The following UMOD variants were observed in gnomAD, a reference collection of about 807,000 sequenced individuals.
The protein encoded by UMOD is Tamm-Horsfall urinary glycoprotein.
Under a neutral mutation model 66.0 loss-of-function variants are expected in UMOD, and 64 were observed. The observed-to-expected ratio is 0.97, with a 90% confidence interval of 0.79 to 1.19. The LOEUF (loss-of-function observed/expected upper bound fraction) is 1.19. UMOD is among the 50% of genes most tolerant of loss of function. The pLI, the probability that UMOD is intolerant of heterozygous loss-of-function variation, is 0.00. For missense variants in UMOD, 764 were observed against 850.9 expected, an observed-to-expected ratio of 0.90 and a Z score of 1.27; for synonymous variants, 398 against 352.7, an observed-to-expected ratio of 1.13 and a Z score of -1.44.
At chr16:20,336,514 G>A (rs1964879995) in intron 9 of UMOD, 132 bp downstream of exon 9, 5 of 789,906 alleles carry the variant, frequency 6.3e-6, no homozygotes, top group Admixed American at 1.9e-5. Flanking sequence ...ATTCCACCTT[G>A]CCCCAGAGGA....
At chr16:20,336,136 T>G (rs1316949189) in intron 9 of UMOD, among the ~76,000 whole-genome samples, 1 of 152,208 alleles carries the variant, frequency 6.6e-6, no homozygotes, top group African/African-American at 2.4e-5. Context: ...ATTCTGACCC[T>G]TCCTAAACCA....
At chr16:20,341,041 C>A in intron 7 of UMOD, 50 bp downstream of exon 7, 1 of 1,562,460 alleles carries the variant, frequency 6.4e-7, no homozygotes, top group Admixed American at 1.8e-5. Flanking sequence ...AGTCCAAAGA[C>A]CCCCTCTGAA....
intron 4 of UMOD, among the ~76,000 whole-genome samples, chr16:20,347,032 T>C (rs1001332518): frequency 6.6e-6 from 1 of 152,144 alleles, no homozygotes; most frequent in Non-Finnish European, 1.5e-5. Flanking sequence ...TCTCTTTTTT[T>C]TGAGACGGAG....
intron 1 of UMOD, 98 bp from the exon 2 acceptor site, chr16:20,350,937 G>A (rs1965859931): frequency 7.7e-7 from 1 of 1,306,912 alleles, no homozygotes; most frequent in Admixed American, 2.4e-5. Flanking sequence ...TCCAGGAGGT[G>A]TCACTTATAT....
At chr16:20,349,303 T>C (rs1596563622) in intron 2 of UMOD, 91 bp from the exon 3 acceptor site, 1 of 1,417,416 alleles carries the variant, frequency 7.1e-7, no homozygotes. Flanking sequence ...GAACTCATTA[T>C]TTTTAAGACT....
chr16:20,333,203 G>C lies in UMOD; in HGVS notation c.*111C>G. ...TAAAAGGGAGAAAAGAAGGCAGGCT[G>C]AACAAAGCATGAACTTTCTTTTCTG... On this transcript the variant is annotated 3_prime_UTR_variant, in exon 11 of 11. Transcript: ENST00000396138. The C allele has an allele frequency of 3.5e-6, 4 of 1,148,840 alleles. No individual in the cohort carries two copies. Among genetic ancestry groups the C allele is most frequent in the East Asian group, 2.5e-5 (1 of 39,246 alleles). 71.2% of individuals were successfully genotyped at this position (1,148,840 alleles called of 1,614,324 possible).
rs929911928 is a variant in UMOD at position 20,335,700 on chromosome 16, G to A, written c.1823-180C>T. ...TCAGGGGCTCTCACTGCTTTCAGGA[G>A]AAAGGTCCCAACCCTTAGCAAGAAC... On this transcript the variant is annotated intron_variant, in intron 9 of 10. Coordinates refer to ENST00000396138, the MANE Select transcript of UMOD (RefSeq NM_003361.4). Among the ~76,000 whole-genome samples, 3 of 152,162 alleles carry A rather than the reference G, an allele frequency of 2.0e-5. No homozygotes were observed. In the East Asian group the frequency reaches 5.8e-4, roughly 29 times the overall value.
chr16:20,350,764 G>T lies in UMOD; in HGVS notation c.-27C>A, dbSNP rs776839394. On this transcript the variant is annotated 5_prime_UTR_variant, in exon 2 of 11. Transcript: ENST00000396138. Reference sequence around the variant, plus strand: ...CTTTCTGCTCTTCCCGCTACTTCAGGTCTAGATAGCACCTGCCCAAAGGAA... The same window carrying T: ...CTTTCTGCTCTTCCCGCTACTTCAGTTCTAGATAGCACCTGCCCAAAGGAA... The T allele has an allele frequency of 1.2e-6, 2 of 1,613,962 alleles. No homozygotes were observed. Among genetic ancestry groups the T allele is most frequent in the South Asian group, 2.2e-5 (2 of 91,054 alleles).
chr16:20,346,743 T>C (rs1335608736), intron 4 of UMOD, among the ~76,000 whole-genome samples: 1 of 152,056 alleles, frequency 6.6e-6, no homozygotes, highest in African/African-American at 2.4e-5. Context: ...TCCTTGTCTA[T>C]AAAATGAGAA....
upstream of UMOD, among the ~76,000 whole-genome samples, chr16:20,355,649 C>T (rs960681304): frequency 3.3e-5 from 5 of 152,066 alleles, no homozygotes; most frequent in Admixed American, 2.6e-4. Flanking sequence ...ATCTGCCTGC[C>T]TCGGCCTCCC....
intron 10 of UMOD, among the ~76,000 whole-genome samples, chr16:20,334,965 T>C (rs1207869362): frequency 6.6e-6 from 1 of 151,796 alleles, no homozygotes; most frequent in Non-Finnish European, 1.5e-5. Context: ...CCCAAGTAGC[T>C]GGGAGGCGCG....
intron 5 of UMOD, among the ~76,000 whole-genome samples, chr16:20,345,845 T>A (rs1431318644): frequency 6.6e-6 from 1 of 152,156 alleles, no homozygotes; most frequent in African/African-American, 2.4e-5. Flanking sequence ...ATCTGTAAAA[T>A]GGAGAACTAT....
rs778464982 is a variant in UMOD at position 20,349,149 on chromosome 16, G to A, written c.152C>T (p.Thr51Ile). 1.2e-6 allele frequency: 2 copies of A among 1,613,992 alleles called. No individual in the cohort carries two copies. Among genetic ancestry groups the A allele is most frequent in the African/African-American group, 1.3e-5 (1 of 74,940 alleles). The change falls in exon 3 of 11, where the codon ACC (threonine) becomes ATC (isoleucine). Residue 51 changes from threonine (T) to isoleucine (I), a missense_variant. Thr to Ile is a moderately conservative substitution (Grantham distance 89). Transcript: ENST00000396138. ...ATCGCCGGTGAAGCCCTCCTGACAG[G>A]TGCACGTCGTAACGGCCTCATCCTC... ...CTEDEAVTTC[T>I]CQEGFTGDGL...
chr16:20,341,322 C>A lies in UMOD; in HGVS notation c.1346G>T (p.Arg449Ile). The A allele has an allele frequency of 1.9e-6, 3 of 1,613,858 alleles. No individual in the cohort carries two copies. Among genetic ancestry groups the A allele is most frequent in the Non-Finnish European group, 2.5e-6 (3 of 1,180,024 alleles). ...GGTGAACATGCCGGTCCCGCCCACT[C>A]TGATGTTTAGAGCACTGCCAGGGGA... Reference protein sequence around the residue: ...LQPMVSALNIRVGGTGMFTVR... With the variant: ...LQPMVSALNIIVGGTGMFTVR... Residue 449 changes from arginine to isoleucine, a missense_variant, in exon 7 of 11, where the codon AGA becomes ATA. Coordinates refer to ENST00000396138, the MANE Select transcript of UMOD (RefSeq NM_003361.4).
chr16:20,333,052 G>GAGATTT lies in UMOD; in HGVS notation c.*256_*261dup, dbSNP rs1384033709. 1.1e-5 allele frequency: 5 copies of GAGATTT among 465,030 alleles called. No homozygotes were observed. Among genetic ancestry groups the GAGATTT allele is most frequent in the African/African-American group, 7.9e-5 (4 of 50,320 alleles). The allele number at this position is 465,030 out of a possible 1,614,324, so 28.8% of individuals were successfully genotyped here. On this transcript the variant is annotated 3_prime_UTR_variant, in exon 11 of 11. Transcript: ENST00000396138. ...GAATGAATGGATGACTTCAAAGACT[G>GAGATTT]AGATTTAAAAATCATTATTTTGCCA... is the stretch of plus-strand genomic sequence containing the variant.
At position 20,346,106 on chromosome 16, in the gene UMOD, C is replaced by T; in HGVS notation, c.1182+20G>A. ...AACCAGGCAGTGCTCTGGTTCTGTC[C>T]CCCACTGGCCAGGACGTACCGTCAA... On this transcript the variant is annotated intron_variant, in intron 5 of 10. Coordinates refer to ENST00000396138, the MANE Select transcript of UMOD (RefSeq NM_003361.4). 6.2e-7 allele frequency: 1 copy of T among 1,610,420 alleles called. No individual in the cohort carries two copies. The highest frequency in any genetic ancestry group is 1.1e-5 in the South Asian group (1 of 90,980).
intron 10 of UMOD, among the ~76,000 whole-genome samples, chr16:20,333,581 G>A (rs576196260): frequency 6.6e-6 from 1 of 152,266 alleles, no homozygotes; most frequent in East Asian, 1.9e-4. Context: ...ACTAGGCTTG[G>A]TACCTCCTCA....
intron 9 of UMOD, among the ~76,000 whole-genome samples, chr16:20,336,264 A>G (rs1262485095): frequency 1.3e-5 from 2 of 152,196 alleles, no homozygotes; most frequent in Non-Finnish European, 2.9e-5. Flanking sequence ...CACAAGCTCC[A>G]TGGGAGCAGG....
intron 1 of UMOD, among the ~76,000 whole-genome samples, chr16:20,352,072 GC>G (rs1965929121): frequency 6.7e-6 from 1 of 148,896 alleles, no homozygotes; most frequent in Non-Finnish European, 1.5e-5. Context: ...ATGATCTAGT[GC>G]AGTCGCTTCT....
Sources: gnomAD v4.1 joint callset for allele counts (sites outside exome capture counted in the v4.1 genomes callset) on GRCh38, gnomAD v4.1.1 for gene constraint, MANE v1.5 for transcripts, NCBI Gene and HGNC (gene_info 2026-07-23, HGNC 2026-07-21) for gene names.